Variants in CACNA1A observed in about 807,000 individuals in gnomAD.
CACNA1A encodes calcium voltage-gated channel subunit alpha1 A, also known as voltage-dependent P/Q-type calcium channel subunit alpha-1A.
In CACNA1A, 57 loss-of-function variants were observed where a neutral mutation model predicts 262.4. The observed-to-expected ratio is 0.22, with a 90% CI of 0.18 to 0.27. The LOEUF (loss-of-function observed/expected upper bound fraction) is 0.27, where lower values mean the gene tolerates loss of function less well. CACNA1A is among the 10% of genes least tolerant of loss of function. The pLI is 1.00. For missense variants in CACNA1A, 2,526 were observed against 3,562.8 expected, an observed-to-expected ratio of 0.71 and a Z score of 7.41; for synonymous variants, 1,431 against 1,419.3, an observed-to-expected ratio of 1.01 and a Z score of -0.18.
chr19:13,348,922 C>T (rs1361974911), intron 6 of CACNA1A, among the ~76,000 whole-genome samples: 1 of 149,360 alleles, frequency 6.7e-6, no homozygotes, highest in African/African-American at 2.5e-5. Context: ...GCACAAGAAT[C>T]GCTTGAACCC....
chr19:13,216,994 G>T (rs1047341829), intron 38 of CACNA1A, among the ~76,000 whole-genome samples: 1 of 152,110 alleles, frequency 6.6e-6, no homozygotes, highest in Non-Finnish European at 1.5e-5. Flanking sequence ...TTAGCTGGGC[G>T]TGGTGGCGTG....
Position 13,257,466 on chromosome 19 carries a change from C to T in CACNA1A, c.4474G>A (p.Val1492Ile), listed in dbSNP as rs121908234. ...YRMEMSIFYVVYFVVFPFFFV... is the reference protein window; with the variant it reads ...YRMEMSIFYVIYFVVFPFFFV... ...AAGAAGGGGAACACCACAAAGTAGA[C>T]GACGTAGAAAATGGACATCTCCATG... is the stretch of plus-strand genomic sequence containing the variant. The change falls in exon 28 of 47, where the codon GTC becomes ATC. Residue 1492 changes from valine (V) to isoleucine (I), a missense_variant. Val to Ile is a conservative substitution (Grantham distance 29). Coordinates refer to ENST00000360228, the MANE Select transcript of CACNA1A (RefSeq NM_001127222.2). The T allele has an allele frequency of 5.0e-6, 8 of 1,613,386 alleles. No individual in the cohort carries two copies. The highest frequency in any genetic ancestry group is 1.1e-5 in the South Asian group (1 of 91,020).
intron 22 of CACNA1A, among the ~76,000 whole-genome samples, chr19:13,278,165 T>C (rs547014354): frequency 6.6e-6 from 1 of 151,168 alleles, no homozygotes; most frequent in Non-Finnish European, 1.5e-5. Flanking sequence ...GAGGGCGCTG[T>C]GAACACCAAA....
intron 10 of CACNA1A, among the ~76,000 whole-genome samples, chr19:13,319,532 G>A (rs917144949): frequency 6.6e-6 from 1 of 151,912 alleles, no homozygotes; most frequent in African/African-American, 2.4e-5. Flanking sequence ...CACCCCACTT[G>A]CCAGACACAG....
At chr19:13,269,086 T>A (rs1163218502) in intron 24 of CACNA1A, among the ~76,000 whole-genome samples, 2 of 152,090 alleles carry the variant, frequency 1.3e-5, no homozygotes, top group Non-Finnish European at 2.9e-5. Context: ...AGCCTTGAAC[T>A]CCCTGGCTCA....
In CACNA1A at chr19:13,219,615, T is replaced by A. The variant is rs138719044; in HGVS notation, c.5732-5007A>T. ...AAGATTCTGTTTATTCAAACACTAA[T>A]CTAGGGACCATTGCCCAGGCTATGA... On this transcript the variant is annotated intron_variant, in intron 38 of 46. Transcript: ENST00000360228. Among the ~76,000 whole-genome samples, 70 of 152,214 alleles carry A rather than the reference T, an allele frequency of 4.6e-4. No homozygotes were observed. In the East Asian group the frequency reaches 0.013, roughly 29 times the overall value.
At chr19:13,228,418 G>A (rs1243114587) in intron 36 of CACNA1A, among the ~76,000 whole-genome samples, 1 of 151,882 alleles carries the variant, frequency 6.6e-6, no homozygotes, top group Non-Finnish European at 1.5e-5. Flanking sequence ...CTGATTTGGG[G>A]TGCCGTGGAG....
At position 13,506,051 on chromosome 19, in the gene CACNA1A, G is replaced by A. The variant is rs1339655775; in HGVS notation, c.174C>T (p.Thr58=). The A allele has an allele frequency of 6.2e-7, 1 of 1,613,964 alleles. No individual in the cohort carries two copies. Among genetic ancestry groups the A allele is most frequent in the South Asian group, 1.1e-5 (1 of 91,074 alleles). Residue 58 remains threonine, a synonymous_variant, in exon 1 of 47, where the codon ACC becomes ACT. Transcript: ENST00000360228. ...YKQSMAQRAR[T]MALYNPIPVR... is the part of the protein sequence containing the mutation. ...CGGGGATGGGGTTGTAGAGTGCCAT[G>A]GTCCGCGCTCTCTGCGCCATTGACT...
intron 6 of CACNA1A, among the ~76,000 whole-genome samples, chr19:13,353,300 T>TA (rs1491281946): frequency 7.3e-5 from 5 of 68,532 alleles, no homozygotes; most frequent in Admixed American, 3.9e-4. Context: ...TGTATTTTTG[T>TA]TTTTTTTTTT....
chr19:13,355,107 C>G (rs571491960), intron 6 of CACNA1A, among the ~76,000 whole-genome samples: 2 of 152,212 alleles, frequency 1.3e-5, no homozygotes, highest in South Asian at 4.1e-4. Context: ...AACTCCTGAC[C>G]TCAAGTGATC....
intron 30 of CACNA1A, 138 bp from the exon 31 acceptor site, chr19:13,245,403 C>T (rs528830240): frequency 1.2e-4 from 86 of 690,076 alleles, no homozygotes; most frequent in African/African-American, 9.1e-4. Flanking sequence ...CGAAGGGCTG[C>T]GGTAAAGGCT....
chr19:13,377,720 G>A (rs561068524), intron 3 of CACNA1A, among the ~76,000 whole-genome samples: 3 of 152,200 alleles, frequency 2.0e-5, no homozygotes, highest in East Asian at 1.9e-4. Flanking sequence ...CAAGTCTTAT[G>A]ATTTAAGGGA....
chr19:13,352,658 G>A (rs1270264564), intron 6 of CACNA1A, among the ~76,000 whole-genome samples: 3 of 152,110 alleles, frequency 2.0e-5, no homozygotes, highest in Non-Finnish European at 4.4e-5. Context: ...AGCTGCCACT[G>A]TTCTCCATGC....
intron 19 of CACNA1A, among the ~76,000 whole-genome samples, chr19:13,297,064 A>G (rs149425953): frequency 6.6e-6 from 1 of 152,346 alleles, no homozygotes; most frequent in East Asian, 1.9e-4. Flanking sequence ...TTAGGTAAAT[A>G]GAGTTGGCTG....
At chr19:13,255,026 T>C (rs928555963) in intron 29 of CACNA1A, 69 bp downstream of exon 29, 95 of 1,540,618 alleles carry the variant, frequency 6.2e-5, no homozygotes, top group Admixed American at 1.0e-4. Context: ...GATGGTTTCA[T>C]TTTATCAGGG....
intron 3 of CACNA1A, chr19:13,451,785 C>T (rs1322836555): frequency 6.6e-6 from 1 of 152,048 alleles, no homozygotes; most frequent in Non-Finnish European, 1.5e-5. Flanking sequence ...TGAAGAGCCA[C>T]AATATGGCAA....
chr19:13,370,159 GGC>G (rs1216534117), intron 4 of CACNA1A, among the ~76,000 whole-genome samples: 1 of 151,512 alleles, frequency 6.6e-6, no homozygotes, highest in Non-Finnish European at 1.5e-5. Context: ...GGAGTGCAGT[GGC>G]GTGATTTCAG....
chr19:13,406,489 A>T (rs755178337), intron 3 of CACNA1A, among the ~76,000 whole-genome samples: 1 of 102,774 alleles, frequency 9.7e-6, no homozygotes, highest in African/African-American at 4.3e-5. Flanking sequence ...ATATATATAT[A>T]TATATATATA....
At chr19:13,292,472 GGCAT>G (rs2057563821) in intron 19 of CACNA1A, among the ~76,000 whole-genome samples, 1 of 152,004 alleles carries the variant, frequency 6.6e-6, no homozygotes, top group Admixed American at 6.6e-5. Flanking sequence ...AGATTAGCTA[GGCAT>G]GGTCATGCAC....
Sources: allele counts gnomAD v4.1 joint callset (sites outside exome capture counted in the v4.1 genomes callset), GRCh38; gene constraint gnomAD v4.1.1; transcripts MANE v1.5; gene names NCBI Gene and HGNC (gene_info 2026-07-23, HGNC 2026-07-21).